Variants in CUL1 observed in about 807,000 individuals in gnomAD.
CUL1 encodes the protein cullin-1.
CUL1 carries 24 observed loss-of-function variants against 118.0 expected under a neutral mutation model. The ratio of observed to expected loss-of-function variants is 0.20; its 90% confidence interval spans 0.15 to 0.29. The LOEUF (loss-of-function observed/expected upper bound fraction) is 0.29. CUL1 is among the 10% of genes least tolerant of loss of function. The pLI, the probability that CUL1 is intolerant of heterozygous loss-of-function variation, is 1.00. For missense variants in CUL1, 361 were observed against 933.8 expected, an observed-to-expected ratio of 0.39 and a Z score of 7.99; for synonymous variants, 332 against 340.4, an observed-to-expected ratio of 0.98 and a Z score of 0.27.
intron 17 of CUL1, among the ~76,000 whole-genome samples, chr7:148,793,438 CCTG>C: frequency 6.6e-6 from 1 of 152,122 alleles, no homozygotes; most frequent in Non-Finnish European, 1.5e-5. Flanking sequence ...CAAAAAGAAA[CCTG>C]CACCCATTAG....
chr7:148,789,874 G>A (rs745451734), intron 15 of CUL1, 48 bp downstream of exon 15: 2 of 1,541,586 alleles, frequency 1.3e-6, no homozygotes, highest in Non-Finnish European at 1.8e-6. Context: ...GTGGAGGGTG[G>A]GGCAGGGCAG....
intron 1 of CUL1, among the ~76,000 whole-genome samples, chr7:148,714,798 A>G (rs1221337116): frequency 6.6e-6 from 1 of 152,244 alleles, no homozygotes; most frequent in Non-Finnish European, 1.5e-5. Flanking sequence ...CCAGGGTTGC[A>G]TACCTCCAGC....
intron 9 of CUL1, 83 bp downstream of exon 9, chr7:148,767,832 C>G (rs1800057007): frequency 5.1e-6 from 7 of 1,360,624 alleles, no homozygotes; most frequent in Admixed American, 4.2e-5. Context: ...TCTCTACTTC[C>G]AAATCTAAAT....
chr7:148,799,252 T>C (rs1389551527), intron 20 of CUL1, 23 bp from the exon 21 acceptor site: 1 of 1,582,770 alleles, frequency 6.3e-7, no homozygotes, highest in South Asian at 1.1e-5. Context: ...AATGCACTTC[T>C]TTTTCCTTAT....
chr7:148,748,898 C>T (rs1466927208), intron 2 of CUL1, among the ~76,000 whole-genome samples: 2 of 151,960 alleles, frequency 1.3e-5, no homozygotes, highest in Non-Finnish European at 1.5e-5. Flanking sequence ...TTAGAACGAA[C>T]AGTGGAAAAG....
chr7:148,726,359 T>A (rs1290196011), intron 1 of CUL1, among the ~76,000 whole-genome samples: 1 of 152,098 alleles, frequency 6.6e-6, no homozygotes, highest in Non-Finnish European at 1.5e-5. Context: ...TGTTGCACAG[T>A]TTATCTTGGT....
At chr7:148,796,132 T>C (rs889621461) in intron 17 of CUL1, among the ~76,000 whole-genome samples, 11 of 152,358 alleles carry the variant, frequency 7.2e-5, no homozygotes, top group South Asian at 4.1e-4. Context: ...GAGCTTTTAC[T>C]AGATGTCCTT....
intron 17 of CUL1, among the ~76,000 whole-genome samples, chr7:148,793,174 G>A (rs35954343): frequency 0.022 from 3,376 of 152,112 alleles, 54 homozygotes; most frequent in Non-Finnish European, 0.035. Flanking sequence ...AAAACTACGT[G>A]TAACACACAC....
chr7:148,708,974 A>G (rs749614665), intron 1 of CUL1, among the ~76,000 whole-genome samples: 4 of 152,252 alleles, frequency 2.6e-5, no homozygotes, highest in Non-Finnish European at 5.9e-5. Context: ...CAAACCATAT[A>G]TTACACTAAA....
At chr7:148,731,447 A>G (rs571643095) in intron 2 of CUL1, among the ~76,000 whole-genome samples, 2 of 152,358 alleles carry the variant, frequency 1.3e-5, no homozygotes, top group Non-Finnish European at 2.9e-5. Context: ...CAATCTCTGA[A>G]TTAGCATAAA....
intron 11 of CUL1, among the ~76,000 whole-genome samples, chr7:148,785,463 A>T (rs1044739369): frequency 2.0e-5 from 3 of 150,444 alleles, no homozygotes; most frequent in African/African-American, 7.4e-5. Flanking sequence ...AGTTTAAGTG[A>T]TTCTCATGCC....
intron 16 of CUL1, among the ~76,000 whole-genome samples, 182 bp from the exon 17 acceptor site, chr7:148,792,543 TG>T (rs775292716): frequency 3.9e-5 from 6 of 152,248 alleles, no homozygotes; most frequent in Non-Finnish European, 5.9e-5. Context: ...TTTGGGAAAA[TG>T]TTGCATTGTA....
intron 1 of CUL1, 111 bp from the exon 2 acceptor site, chr7:148,729,851 G>C (rs1377850392): frequency 1.2e-5 from 4 of 336,818 alleles, no homozygotes; most frequent in African/African-American, 2.1e-5. Flanking sequence ...CACATAGAAA[G>C]AGAAATGGTC....
intron 2 of CUL1, among the ~76,000 whole-genome samples, chr7:148,743,407 C>G (rs1326808590): frequency 6.6e-6 from 1 of 152,220 alleles, no homozygotes; most frequent in Non-Finnish European, 1.5e-5. Context: ...GGCTACAAAT[C>G]AGGGCTTTTC....
intron 2 of CUL1, among the ~76,000 whole-genome samples, chr7:148,746,007 T>C (rs777238447): frequency 6.6e-6 from 1 of 152,148 alleles, no homozygotes; most frequent in Non-Finnish European, 1.5e-5. Context: ...TTAAACTGAG[T>C]AGAAACTTCA....
intron 19 of CUL1, 74 bp from the exon 20 acceptor site, chr7:148,798,498 T>C: frequency 8.9e-7 from 1 of 1,118,376 alleles, no homozygotes; most frequent in Non-Finnish European, 1.3e-6. Flanking sequence ...TCTTAAAGGT[T>C]GAAAAATAGA....
At chr7:148,783,482 C>A in intron 9 of CUL1, 1 of 1,241,928 alleles carries the variant, frequency 8.1e-7, no homozygotes. Flanking sequence ...GCAGAACTGT[C>A]ACTTGGAAAA....
intron 7 of CUL1, among the ~76,000 whole-genome samples, chr7:148,766,331 G>A (rs186304343): frequency 6.6e-6 from 1 of 152,098 alleles, no homozygotes; most frequent in African/African-American, 2.4e-5. Flanking sequence ...GCACTGTGTT[G>A]CCCAGGCTGG....
intron 17 of CUL1, among the ~76,000 whole-genome samples, chr7:148,795,562 C>T (rs887946701): frequency 6.6e-6 from 1 of 151,962 alleles, no homozygotes; most frequent in African/African-American, 2.4e-5. Flanking sequence ...GTCAGGAGAT[C>T]GAGACCATCC....
Sources: gnomAD v4.1 joint callset for allele counts (sites outside exome capture counted in the v4.1 genomes callset) on GRCh38, gnomAD v4.1.1 for gene constraint, MANE v1.5 for transcripts, NCBI Gene and HGNC (gene_info 2026-07-23, HGNC 2026-07-21) for gene names.